Variants in ANKFN1 observed in about 807,000 individuals in gnomAD.
ANKFN1 encodes the protein ankyrin repeat and fibronectin type-III domain-containing protein 1.
A neutral mutation model predicts 108.7 loss-of-function variants in ANKFN1; 74 were observed. That is an observed-to-expected ratio of 0.68 (90% CI 0.56 to 0.83). The LOEUF (loss-of-function observed/expected upper bound fraction) is 0.83. Among genes scored for constraint, ANKFN1 ranks in the 40% least tolerant of loss-of-function variants. ANKFN1 has a pLI of 0.00. For missense variants in ANKFN1, 1,505 were observed against 1,382.3 expected (o/e 1.09, Z -1.41); for synonymous variants, 547 against 516.2 (o/e 1.06, Z -0.81).
intron 4 of ANKFN1, among the ~76,000 whole-genome samples, chr17:56,327,598 A>G (rs917046346): frequency 1.3e-5 from 2 of 152,190 alleles, no homozygotes; most frequent in Non-Finnish European, 2.9e-5. Context: ...TGATTTGGCT[A>G]TTTCACAAAT....
chr17:56,092,528 C>A (rs1299708073), intron 4 of ANKFN1, among the ~76,000 whole-genome samples: 1 of 151,092 alleles, frequency 6.6e-6, no homozygotes, highest in African/African-American at 2.4e-5. Context: ...CCCACCTCGG[C>A]CTCCCAAAGT....
intron 8 of ANKFN1, among the ~76,000 whole-genome samples, chr17:56,377,050 T>C (rs1311718568): frequency 4.6e-5 from 7 of 152,200 alleles, no homozygotes; most frequent in African/African-American, 1.4e-4. Context: ...ATCTACAGAA[T>C]GAAATGGCAA....
Position 56,350,773 on chromosome 17 carries a change from C to T in ANKFN1, c.196C>T (p.Arg66Cys), listed in dbSNP as rs765737413. ...GGACTTTCCTCTTCTTAGGAATTGTCGTGTGAAAATGACGCAACAAATGCA... is the reference window on the plus strand; with the variant it reads ...GGACTTTCCTCTTCTTAGGAATTGTTGTGTGAAAATGACGCAACAAATGCA... ...AASNSINWNC[R>C]VKMTQQMQNL... is the part of the protein sequence containing the mutation. The change falls in exon 5 of 21, where the codon CGT (arginine) becomes TGT (cysteine). Residue 66 changes from arginine (R) to cysteine (C), a missense_variant. Arg to Cys is a radical substitution (Grantham distance 180, BLOSUM62 -3). Coordinates refer to ENST00000682825, the MANE Select transcript of ANKFN1 (RefSeq NM_001370326.1). 2.4e-5 allele frequency: 38 copies of T among 1,613,160 alleles called. No homozygotes were observed. The highest frequency in any genetic ancestry group is 3.0e-5 in the Non-Finnish European group (35 of 1,179,540).
At chr17:56,149,855 G>A (rs1042303990), upstream of ANKFN1, among the ~76,000 whole-genome samples, 2 of 152,200 alleles carry the variant, frequency 1.3e-5, no homozygotes, top group South Asian at 2.1e-4. Flanking sequence ...AGGAGGATTC[G>A]GGAAGACTGC....
intron 4 of ANKFN1, among the ~76,000 whole-genome samples, chr17:56,113,286 G>A (rs1385770033): frequency 1.3e-5 from 2 of 152,132 alleles, no homozygotes; most frequent in Non-Finnish European, 2.9e-5. Context: ...TAAACCTTCA[G>A]ATGAAACAAA....
intron 10 of ANKFN1, 112 bp from the exon 11 acceptor site, chr17:56,448,967 C>T (rs550506116): frequency 1.0e-5 from 8 of 786,454 alleles, no homozygotes; most frequent in Non-Finnish European, 1.7e-5. Flanking sequence ...GCGGGGTGCT[C>T]ATCCGCAGAG....
intron 4 of ANKFN1, among the ~76,000 whole-genome samples, chr17:56,338,524 A>G (rs1279258574): frequency 6.6e-6 from 1 of 152,106 alleles, no homozygotes; most frequent in South Asian, 2.1e-4. Context: ...CTAATAAGGA[A>G]CGCTCTCTTA....
intron 19 of ANKFN1, among the ~76,000 whole-genome samples, chr17:56,495,544 G>A (rs2051173782): frequency 2.6e-5 from 4 of 152,142 alleles, no homozygotes; most frequent in African/African-American, 9.7e-5. Context: ...TGTAAATACA[G>A]TTAGGAAAAG....
chr17:56,384,674 T>A (rs2047208929), intron 8 of ANKFN1, among the ~76,000 whole-genome samples: 2 of 152,072 alleles, frequency 1.3e-5, no homozygotes, highest in African/African-American at 4.8e-5. Context: ...TATACACCAA[T>A]ATAGATAAAC....
intron 4 of ANKFN1, among the ~76,000 whole-genome samples, chr17:56,139,667 G>T (rs1298165448): frequency 6.6e-6 from 1 of 152,276 alleles, no homozygotes; most frequent in East Asian, 1.9e-4. Flanking sequence ...CTGAAGAAGT[G>T]AGAAAAGGAC....
At chr17:56,299,099 C>T (rs1460336436) in intron 3 of ANKFN1, among the ~76,000 whole-genome samples, 1 of 152,202 alleles carries the variant, frequency 6.6e-6, no homozygotes, top group Non-Finnish European at 1.5e-5. Flanking sequence ...GAGTCTCAGT[C>T]AGAACCCAAA....
intron 3 of ANKFN1, among the ~76,000 whole-genome samples, chr17:56,259,861 A>G (rs2043460134): frequency 1.3e-5 from 2 of 151,792 alleles, no homozygotes; most frequent in Non-Finnish European, 2.9e-5. Context: ...TCTACCAGGT[A>G]TATATAGGAT....
rs147755992 is a variant in ANKFN1, at chr17:56,257,620, G to A, written c.53+29663G>A. ...CACAGTCACCGACCCTCCAGGCTAC[G>A]GGGAAATGAGGACACGGGGCCTGTT... On this transcript the variant is annotated intron_variant, in intron 3 of 20. Coordinates refer to ENST00000682825, the MANE Select transcript of ANKFN1 (RefSeq NM_001370326.1). Among the ~76,000 whole-genome samples, 17 of 152,240 alleles carry A rather than the reference G, an allele frequency of 1.1e-4. No homozygotes were observed. The South Asian group carries it at 2.1e-3, about 19-fold the overall frequency.
intron 3 of ANKFN1, among the ~76,000 whole-genome samples, chr17:56,269,033 G>GT (rs1238866306): frequency 1.3e-5 from 2 of 152,298 alleles, no homozygotes; most frequent in East Asian, 1.9e-4. Flanking sequence ...CATCCTGGCA[G>GT]TTTTTTGGGG....
At chr17:56,186,634 C>G (rs76971549) in intron 1 of ANKFN1, among the ~76,000 whole-genome samples, 1 of 152,076 alleles carries the variant, frequency 6.6e-6, no homozygotes, top group African/African-American at 2.4e-5. Context: ...CCCCTGGCTC[C>G]CTAGCTATCA....
At chr17:56,122,961 G>A (rs952047152) in intron 4 of ANKFN1, among the ~76,000 whole-genome samples, 8 of 152,148 alleles carry the variant, frequency 5.3e-5, no homozygotes, top group African/African-American at 1.4e-4. Context: ...GAAAAGGAGG[G>A]CAGAGAGTAA....
At chr17:56,262,538 C>G (rs371596494) in intron 3 of ANKFN1, among the ~76,000 whole-genome samples, 96 of 152,252 alleles carry the variant, frequency 6.3e-4, no homozygotes, top group African/African-American at 2.1e-3. Context: ...CATTTCAAGT[C>G]AAGACTTTCA....
intron 11 of ANKFN1, among the ~76,000 whole-genome samples, chr17:56,453,211 C>T (rs1310690383): frequency 2.0e-5 from 3 of 151,884 alleles, no homozygotes; most frequent in Non-Finnish European, 4.4e-5. Context: ...TCTTTTTACC[C>T]CACCCCTCCC....
At chr17:56,179,630 G>A (rs1911499342) in intron 1 of ANKFN1, among the ~76,000 whole-genome samples, 1 of 152,204 alleles carries the variant, frequency 6.6e-6, no homozygotes, top group Non-Finnish European at 1.5e-5. Context: ...GGCCATCTGA[G>A]GCATGAATTT....
Sources: allele counts gnomAD v4.1 joint callset (sites outside exome capture counted in the v4.1 genomes callset), GRCh38; gene constraint gnomAD v4.1.1; transcripts MANE v1.5; gene names NCBI Gene and HGNC (gene_info 2026-07-23, HGNC 2026-07-21).